The following SLC30A6 variants were observed in gnomAD, a reference collection of about 807,000 sequenced individuals.
The protein encoded by SLC30A6 is solute carrier family 30 member 6, also known as zinc transporter 6.
In SLC30A6, 55 loss-of-function variants were observed where a neutral mutation model predicts 63.0. The ratio of observed to expected loss-of-function variants is 0.87; its 90% confidence interval spans 0.70 to 1.09. SLC30A6 has a LOEUF of 1.09. Among genes scored for constraint, SLC30A6 ranks in the 50% least tolerant of loss-of-function variants. The pLI, the probability that SLC30A6 is intolerant of heterozygous loss-of-function variation, is 0.00. For missense variants in SLC30A6, 587 were observed against 549.2 expected (o/e 1.07, Z -0.69); for synonymous variants, 224 against 186.1 (o/e 1.20, Z -1.66).
intron 10 of SLC30A6, chr2:32,202,770 C>T (rs1355667739): frequency 1.4e-6 from 1 of 716,522 alleles, no homozygotes; most frequent in Non-Finnish European, 2.6e-6. Flanking sequence ...TCAGACTTTA[C>T]TTTTTTCTGC....
chr2:32,192,338 T>G lies in SLC30A6; in HGVS notation c.287T>G (p.Phe96Cys). Residue 96 changes from phenylalanine (F) to cysteine (C), a missense_variant and splice_region_variant, in exon 6 of 14, where the codon TTT becomes TGT. Coordinates refer to ENST00000282587, the MANE Select transcript of SLC30A6 (RefSeq NM_017964.5). ...TCTAATTAATGTTTTGGTTTCAGGTTTGAAAGATTAGAAGTCCTGGCTGTA... is the reference window on the plus strand; with the variant it reads ...TCTAATTAATGTTTTGGTTTCAGGTGTGAAAGATTAGAAGTCCTGGCTGTA... Reference protein sequence around the residue: ...RKPSPVYSFGFERLEVLAVFA... With the variant: ...RKPSPVYSFGCERLEVLAVFA... 1 of 1,613,958 alleles carries G rather than the reference T, an allele frequency of 6.2e-7. No individual in the cohort carries two copies. The highest frequency in any genetic ancestry group is 8.5e-7 in the Non-Finnish European group (1 of 1,179,872).
At chr2:32,179,140 A>G (rs1363486065) in intron 4 of SLC30A6, among the ~76,000 whole-genome samples, 2 of 152,218 alleles carry the variant, frequency 1.3e-5, no homozygotes, top group East Asian at 1.9e-4. Context: ...GATTACAAGC[A>G]TGAACTACCT....
chr2:32,193,839 G>C lies in SLC30A6; in HGVS notation c.402-50G>C, dbSNP rs753306110. On this transcript the variant is annotated intron_variant, in intron 7 of 13. Transcript: ENST00000282587. Reference sequence around the variant, plus strand: ...CCTCTACGTATTGAAATTACATACTGATAATACCAAGAACAAATTAAAGGT... The same window carrying C: ...CCTCTACGTATTGAAATTACATACTCATAATACCAAGAACAAATTAAAGGT... 3 of 1,456,614 alleles carry C rather than the reference G, an allele frequency of 2.1e-6. No homozygotes were observed. The Admixed American group carries it at 5.1e-5, about 25-fold the overall frequency. The allele number at this position is 1,456,614 out of a possible 1,614,324, so 90.2% of individuals were successfully genotyped here.
intron 4 of SLC30A6, among the ~76,000 whole-genome samples, chr2:32,183,920 C>A (rs547439112): frequency 6.6e-6 from 1 of 152,192 alleles, no homozygotes; most frequent in East Asian, 1.9e-4. Context: ...TAAAATTGAT[C>A]ATATGTGTCA....
chr2:32,187,259 C>T (rs1054125027), intron 5 of SLC30A6: 16 of 470,546 alleles, frequency 3.4e-5, no homozygotes, highest in Middle Eastern at 6.5e-4. Context: ...CACCTTCATC[C>T]GAGAGAGGAA....
Position 32,220,368 on chromosome 2 carries a change from A to C in SLC30A6, c.1041A>C (p.Ala347=). Residue 347 remains alanine, a synonymous_variant, in exon 14 of 14, where the codon GCA becomes GCC. Coordinates refer to ENST00000282587, the MANE Select transcript of SLC30A6 (RefSeq NM_017964.5). ...IRPALLSGPV[A]ANVLNFSDHH... is the part of the protein sequence containing the mutation. ...CTGCCTTATTGTCTGGGCCTGTTGCAGCCAATGTCCTAAACTTTTCAGATC... is the reference window on the plus strand; with the variant it reads ...CTGCCTTATTGTCTGGGCCTGTTGCCGCCAATGTCCTAAACTTTTCAGATC... 1 of 1,614,200 alleles carries C rather than the reference A, an allele frequency of 6.2e-7. No homozygotes were observed. Among genetic ancestry groups the C allele is most frequent in the Non-Finnish European group, 8.5e-7 (1 of 1,180,028 alleles).
At chr2:32,181,243 C>T (rs1359317771) in intron 4 of SLC30A6, among the ~76,000 whole-genome samples, 1 of 152,022 alleles carries the variant, frequency 6.6e-6, no homozygotes, top group Non-Finnish European at 1.5e-5. Flanking sequence ...GAAGTAAATT[C>T]GATCAGTGTA....
intron 10 of SLC30A6, chr2:32,202,262 C>G (rs1462658718): frequency 3.1e-6 from 2 of 638,506 alleles, no homozygotes; most frequent in Non-Finnish European, 5.0e-6. Context: ...CAGACGGGAA[C>G]AGGAAAGAAA....
intron 13 of SLC30A6, among the ~76,000 whole-genome samples, chr2:32,212,129 C>A: frequency 6.6e-6 from 1 of 150,800 alleles, no homozygotes; most frequent in East Asian, 1.9e-4. Context: ...TTTTTTTAAC[C>A]TTTTGTGTCT....
chr2:32,166,391 T>G (rs1421004896), intron 1 of SLC30A6, among the ~76,000 whole-genome samples: 2 of 152,238 alleles, frequency 1.3e-5, no homozygotes, highest in Non-Finnish European at 2.9e-5. Context: ...GTAGCCTGAT[T>G]ACGGCAGCAA....
At chr2:32,213,967 G>A (rs920741139) in intron 13 of SLC30A6, among the ~76,000 whole-genome samples, 1 of 151,966 alleles carries the variant, frequency 6.6e-6, no homozygotes, top group Non-Finnish European at 1.5e-5. Flanking sequence ...CTGTGAAACT[G>A]CTTTGTGATG....
intron 5 of SLC30A6, chr2:32,187,134 C>T (rs1269135505): frequency 4.3e-6 from 2 of 470,042 alleles, no homozygotes; most frequent in African/African-American, 4.0e-5. Flanking sequence ...AGGACATTGT[C>T]ATTTTTTTGC....
At chr2:32,166,265 G>A (rs971798274) in intron 1 of SLC30A6, among the ~76,000 whole-genome samples, 2 of 151,448 alleles carry the variant, frequency 1.3e-5, no homozygotes, top group Non-Finnish European at 2.9e-5. Context: ...AGCAACAACT[G>A]TAATAGTGAT....
chr2:32,177,664 T>C (rs1681889826), intron 4 of SLC30A6: 2 of 160,966 alleles, frequency 1.2e-5, no homozygotes, highest in South Asian at 2.8e-4. Context: ...TTTTTGTTGT[T>C]GTTTTTGTTT....
chr2:32,175,983 T>C (rs958579392), intron 4 of SLC30A6, among the ~76,000 whole-genome samples: 5 of 151,880 alleles, frequency 3.3e-5, no homozygotes, highest in Admixed American at 6.6e-5. Flanking sequence ...AAAAACAAAA[T>C]ATTTATAAAT....
intron 13 of SLC30A6, among the ~76,000 whole-genome samples, chr2:32,219,331 C>G (rs1685968796): frequency 6.6e-6 from 1 of 151,872 alleles, no homozygotes; most frequent in African/African-American, 2.4e-5. Context: ...TCACCACACC[C>G]AGCCCTTTCC....
intron 2 of SLC30A6, among the ~76,000 whole-genome samples, chr2:32,171,970 A>G (rs897188861): frequency 3.9e-5 from 6 of 152,224 alleles, no homozygotes; most frequent in Non-Finnish European, 1.5e-5. Context: ...CTGGGATTAC[A>G]GGCGTGAACC....
At chr2:32,175,029 A>G (rs189985732) in intron 3 of SLC30A6, among the ~76,000 whole-genome samples, 1 of 152,264 alleles carries the variant, frequency 6.6e-6, no homozygotes, top group East Asian at 1.9e-4. Flanking sequence ...CATTTGAAAT[A>G]GCGCTGAGAT....
chr2:32,205,343 C>T (rs1684662172), intron 11 of SLC30A6, among the ~76,000 whole-genome samples: 1 of 152,134 alleles, frequency 6.6e-6, no homozygotes, highest in African/African-American at 2.4e-5. Flanking sequence ...ATTGCCTGAA[C>T]CCGGGAGGCG....
Sources: allele counts gnomAD v4.1 joint callset (sites outside exome capture counted in the v4.1 genomes callset), GRCh38; gene constraint gnomAD v4.1.1; transcripts MANE v1.5; gene names NCBI Gene and HGNC (gene_info 2026-07-23, HGNC 2026-07-21).